GLB1L3: variants seen among roughly 807,000 people sequenced by gnomAD.
GLB1L3 encodes galactosidase beta 1 like 3, also known as beta-galactosidase-1-like protein 3.
A neutral mutation model predicts 89.5 loss-of-function variants in GLB1L3; 89 were observed. The ratio of observed to expected loss-of-function variants is 0.99; its 90% confidence interval spans 0.84 to 1.19. The LOEUF is 1.19. GLB1L3 is among the 50% of genes most tolerant of loss of function. GLB1L3 has a pLI of 0.00. For synonymous variants in GLB1L3, 314 were observed against 312.3 expected, an observed-to-expected ratio of 1.01 and a Z score of -0.06; for missense variants, 812 against 813.3, an observed-to-expected ratio of 1.00 and a Z score of 0.02.
intron 9 of GLB1L3, among the ~76,000 whole-genome samples, chr11:134,295,883 G>C (rs565774233): frequency 1.6e-4 from 25 of 152,180 alleles, no homozygotes; most frequent in African/African-American, 5.1e-4. Flanking sequence ...CCTCAGTTGG[G>C]AGTGTGCTGT....
intron 6 of GLB1L3, 56 bp from the exon 7 acceptor site, chr11:134,288,742 C>G: frequency 7.5e-7 from 1 of 1,328,352 alleles, no homozygotes; most frequent in South Asian, 1.3e-5. Flanking sequence ...CTCAGAGACT[C>G]CAGGCTTTTG....
In GLB1L3 at chr11:134,277,928, T is replaced by C; in HGVS notation, c.362+16T>C. ...CTGTCACCACGTGAGTGCCGGCCCC[T>C]CACCTCCAGGATCTCGTTACCCTAC... On this transcript the variant is annotated intron_variant, in intron 3 of 19. Coordinates refer to ENST00000431683, the MANE Select transcript of GLB1L3 (RefSeq NM_001080407.3). 6.2e-7 allele frequency: 1 copy of C among 1,612,028 alleles called. No individual in the cohort carries two copies. The highest frequency in any genetic ancestry group is 8.5e-7 in the Non-Finnish European group (1 of 1,179,084).
chr11:134,306,472 C>G (rs896551545), intron 9 of GLB1L3, among the ~76,000 whole-genome samples: 19 of 152,128 alleles, frequency 1.2e-4, no homozygotes, highest in African/African-American at 4.3e-4. Flanking sequence ...TAATCCAAAT[C>G]CAGGGAGCAG....
intron 9 of GLB1L3, among the ~76,000 whole-genome samples, chr11:134,297,149 A>G (rs896885891): frequency 4.6e-5 from 7 of 152,152 alleles, no homozygotes; most frequent in Admixed American, 3.3e-4. Context: ...ATTACGTAAT[A>G]TCCCTCTCCC....
At chr11:134,278,903 G>A (rs985353695) in intron 3 of GLB1L3, among the ~76,000 whole-genome samples, 21 of 152,160 alleles carry the variant, frequency 1.4e-4, no homozygotes, top group African/African-American at 5.1e-4. Context: ...GAATTACAAC[G>A]GCAATTTTTC....
intron 1 of GLB1L3, 134 bp from the exon 2 acceptor site, chr11:134,277,178 GCCCTGGGCCCGCCT>G: frequency 1.0e-6 from 1 of 956,442 alleles, no homozygotes; most frequent in East Asian, 2.4e-5. Context: ...CGCTGTCCTG[GCCCTGGGCCCGCCT>G]GGAAGACCCG....
chr11:134,302,311 C>G (rs890821059), intron 9 of GLB1L3, among the ~76,000 whole-genome samples: 1 of 150,072 alleles, frequency 6.7e-6, no homozygotes, highest in South Asian at 2.1e-4. Flanking sequence ...ATGTTTTAAA[C>G]GAGGAGAAAA....
chr11:134,307,071 T>G, intron 9 of GLB1L3, 53 bp from the exon 10 acceptor site: 1 of 1,366,354 alleles, frequency 7.3e-7, no homozygotes, highest in South Asian at 1.2e-5. Context: ...GGTTTTCTGA[T>G]TTTTCTTTTT....
Position 134,277,328 on chromosome 11 carries a change from C to T in GLB1L3, c.26C>T (p.Pro9Leu), listed in dbSNP as rs750134337. The change falls in exon 2 of 20, where the codon CCG (proline) becomes CTG (leucine). Residue 9 changes from proline to leucine, a missense_variant and splice_region_variant. By Grantham distance (98) the Pro-to-Leu change is moderately conservative. Coordinates refer to ENST00000431683, the MANE Select transcript of GLB1L3 (RefSeq NM_001080407.3). ...ACTGTTGTCCTTTCTCCTTTCAGCC[C>T]GTGTCTCTCCTGGAAGAGAATGGCG... MKSPPLLS[P>L]CLSWKRMAGI... is the part of the protein sequence containing the mutation. 3.1e-6 allele frequency: 5 copies of T among 1,613,820 alleles called. No individual in the cohort carries two copies. In the East Asian group the frequency reaches 6.7e-5, roughly 22 times the overall value.
chr11:134,309,151 G>T (rs553985647), intron 10 of GLB1L3, among the ~76,000 whole-genome samples: 2 of 152,138 alleles, frequency 1.3e-5, no homozygotes, highest in South Asian at 4.1e-4. Context: ...TGACATGAGG[G>T]TTCTTAGGTT....
intron 18 of GLB1L3, chr11:134,317,231 T>G (rs1251381983): frequency 1.3e-5 from 2 of 152,220 alleles, no homozygotes; most frequent in African/African-American, 4.8e-5. Flanking sequence ...AGTCTTTATC[T>G]CTTATTCATT....
At chr11:134,309,296 A>C (rs1179738095) in intron 10 of GLB1L3, among the ~76,000 whole-genome samples, 2 of 152,138 alleles carry the variant, frequency 1.3e-5, no homozygotes, top group Non-Finnish European at 2.9e-5. Flanking sequence ...TTTTGTTGGA[A>C]TCTTTGTAGA....
At chr11:134,309,445 T>A (rs993628445) in intron 10 of GLB1L3, among the ~76,000 whole-genome samples, 181 bp from the exon 11 acceptor site, 6 of 149,760 alleles carry the variant, frequency 4.0e-5, no homozygotes, top group Non-Finnish European at 7.4e-5. Context: ...GAGAGAAAAA[T>A]TGTTTTTTTT....
chr11:134,293,564 C>T (rs1941475625), intron 9 of GLB1L3, among the ~76,000 whole-genome samples: 1 of 152,142 alleles, frequency 6.6e-6, no homozygotes, highest in Non-Finnish European at 1.5e-5. Flanking sequence ...GCTAGCCTTT[C>T]CCGCCACAGC....
intron 9 of GLB1L3, among the ~76,000 whole-genome samples, chr11:134,302,759 GT>G (rs1388393776): frequency 1.3e-5 from 2 of 152,134 alleles, no homozygotes; most frequent in Non-Finnish European, 2.9e-5. Context: ...TCAATGGTCA[GT>G]TTTGGTAAAT....
At chr11:134,310,006 T>C in intron 11 of GLB1L3, 1 of 535,184 alleles carries the variant, frequency 1.9e-6, no homozygotes, top group Non-Finnish European at 3.3e-6. Context: ...TATACTGCCC[T>C]GTTGGCTTGA....
chr11:134,286,643 G>A (rs1013440434), intron 6 of GLB1L3, among the ~76,000 whole-genome samples: 3 of 151,572 alleles, frequency 2.0e-5, no homozygotes, highest in African/African-American at 7.3e-5. Context: ...CGGGCGTGGT[G>A]GCGGGCGCCT....
chr11:134,301,401 A>G (rs538834893), intron 9 of GLB1L3, among the ~76,000 whole-genome samples: 1 of 152,290 alleles, frequency 6.6e-6, no homozygotes, highest in African/African-American at 2.4e-5. Flanking sequence ...TTTCACTCAA[A>G]CTAAAATATA....
chr11:134,289,030 G>A (rs970229750), intron 7 of GLB1L3, 140 bp downstream of exon 7: 2 of 595,418 alleles, frequency 3.4e-6, no homozygotes, highest in Non-Finnish European at 2.9e-6. Context: ...GTGCGGAGGG[G>A]TGCCGGCCCA....
Sources: gnomAD v4.1 joint callset for allele counts (sites outside exome capture counted in the v4.1 genomes callset) on GRCh38, gnomAD v4.1.1 for gene constraint, MANE v1.5 for transcripts, NCBI Gene and HGNC (gene_info 2026-07-23, HGNC 2026-07-21) for gene names.